TRIM37: variants seen among roughly 807,000 people sequenced by gnomAD.
TRIM37 encodes E3 ubiquitin-protein ligase TRIM37.
In TRIM37, 80 loss-of-function variants were observed where a neutral mutation model predicts 129.8. The observed-to-expected ratio is 0.62, with a 90% CI of 0.51 to 0.74. The LOEUF is 0.74. Among genes scored for constraint, TRIM37 ranks in the 30% least tolerant of loss-of-function variants. The probability of loss-of-function intolerance (pLI) is 0.00; values close to 1 mark genes in which losing one functional copy is unlikely to be tolerated. For missense variants in TRIM37, 1,054 were observed against 1,176.5 expected, an observed-to-expected ratio of 0.90 and a Z score of 1.52; for synonymous variants, 389 against 387.1, an observed-to-expected ratio of 1.00 and a Z score of -0.06.
intron 24 of TRIM37, among the ~76,000 whole-genome samples, chr17:58,991,556 C>CA: frequency 6.6e-6 from 1 of 152,058 alleles, no homozygotes; most frequent in Non-Finnish European, 1.5e-5. Flanking sequence ...ATAGAACACT[C>CA]ATTTTATGAG....
chr17:59,017,139 G>C (rs1668441202), intron 20 of TRIM37, among the ~76,000 whole-genome samples, 157 bp downstream of exon 20: 1 of 152,190 alleles, frequency 6.6e-6, no homozygotes, highest in Non-Finnish European at 1.5e-5. Context: ...ACTCCAGCCT[G>C]GGTGACAAAG....
intron 24 of TRIM37, among the ~76,000 whole-genome samples, chr17:58,985,525 C>G (rs751164112): frequency 6.6e-6 from 1 of 152,174 alleles, no homozygotes; most frequent in African/African-American, 2.4e-5. Flanking sequence ...AAGCTTTCCC[C>G]TTTCGCTTAG....
At chr17:58,972,902 G>C in the TRIM37 span, 1 of 1,612,978 alleles carries the variant, frequency 6.2e-7, no homozygotes, top group African/African-American at 1.3e-5. Flanking sequence ...GTGAATGGAA[G>C]TCTGTCGGTT....
intron 22 of TRIM37, among the ~76,000 whole-genome samples, chr17:59,003,922 TAAA>T (rs60843441): frequency 2.2e-5 from 2 of 89,578 alleles, no homozygotes; most frequent in East Asian, 3.4e-4. Context: ...CCCATCTCTA[TAAA>T]AAAAAAAAAA....
intron 7 of TRIM37, among the ~76,000 whole-genome samples, chr17:59,078,434 T>C (rs770789071): frequency 6.6e-6 from 1 of 152,192 alleles, no homozygotes; most frequent in African/African-American, 2.4e-5. Flanking sequence ...TGTGGTATTA[T>C]TTGACTTTTA....
chr17:59,016,597 G>A (rs1317859106), intron 20 of TRIM37, among the ~76,000 whole-genome samples: 1 of 70,366 alleles, frequency 1.4e-5, no homozygotes, highest in African/African-American at 6.2e-5. Flanking sequence ...ACCCTGTCTC[G>A]GCAAAAAAAA....
chr17:58,987,760 C>G (rs2031953427), intron 24 of TRIM37, among the ~76,000 whole-genome samples: 1 of 152,058 alleles, frequency 6.6e-6, no homozygotes. Flanking sequence ...AATCTTATCA[C>G]CTTTATAATT....
chr17:59,026,672 C>T (rs902631929), intron 19 of TRIM37, among the ~76,000 whole-genome samples: 2 of 152,198 alleles, frequency 1.3e-5, no homozygotes, highest in Non-Finnish European at 2.9e-5. Flanking sequence ...ATTGACCCCG[C>T]ACCTCCTCCA....
At chr17:58,980,148 G>C, downstream of TRIM37, 1 of 1,614,142 alleles carries the variant, frequency 6.2e-7, no homozygotes, top group Non-Finnish European at 8.5e-7. The surrounding 1 kb of genome is among the most constrained non-coding windows in gnomAD (Gnocchi z 4.7). Context: ...GGAGACAGCA[G>C]CATGGTTGCC....
In TRIM37 at chr17:59,012,465, T is replaced by A; in HGVS notation, c.2577-19A>T. ...ATTAGCCCTCAAAGAAGAAAACAAC[T>A]TGATATTTCTCTATAACTAGTGACA... On this transcript the variant is annotated intron_variant, in intron 21 of 23. Transcript: ENST00000262294. 6.7e-7 allele frequency: 1 copy of A among 1,482,516 alleles called. No individual in the cohort carries two copies. Among genetic ancestry groups the A allele is most frequent in the Non-Finnish European group, 9.4e-7 (1 of 1,067,730 alleles). 91.8% of individuals were successfully genotyped at this position (1,482,516 alleles called of 1,614,324 possible). A position where few individuals can be genotyped will look rare whatever the true frequency, so the allele number is the denominator to read the frequency against.
chr17:59,050,149 ACAATAGTAAGAGTT>A (rs1850066158), intron 14 of TRIM37, among the ~76,000 whole-genome samples: 1 of 152,208 alleles, frequency 6.6e-6, no homozygotes, highest in African/African-American at 2.4e-5. Context: ...TGCTCATTCA[ACAATAGTAAGAGTT>A]CAAGATGGGA....
chr17:58,992,322 A>AATAT lies in TRIM37; in HGVS notation c.2891+7055_2891+7058dup, dbSNP rs35222079. ...TTATATATATATAAATACATATGTAAATATATATATATATATATATAAATA... is the reference window on the plus strand; with the variant it reads ...TTATATATATATAAATACATATGTAAATATATATATATATATATATATATAAATA... On this transcript the variant is annotated intron_variant, in intron 24 of 24. Transcript: ENST00000393066. Among the ~76,000 whole-genome samples the AATAT allele has an allele frequency of 1.3e-3, 182 of 137,780 alleles. 1 individual carries two copies. The highest frequency in any genetic ancestry group is 4.4e-3 in the African/African-American group (162 of 37,012). 90.4% of individuals were successfully genotyped at this position (137,780 alleles called of 152,430 possible).
chr17:59,062,729 T>C, intron 10 of TRIM37, 81 bp from the exon 11 acceptor site: 1 of 1,118,686 alleles, frequency 8.9e-7, no homozygotes, highest in Non-Finnish European at 1.4e-6. Flanking sequence ...GACCAACCAG[T>C]TTCTTTGTTA....
At chr17:58,971,891 G>A in the TRIM37 span, among the ~76,000 whole-genome samples, 1 of 152,246 alleles carries the variant, frequency 6.6e-6, no homozygotes, top group East Asian at 1.9e-4. Flanking sequence ...TATTTAAAGT[G>A]GAATTAATAA....
At chr17:59,036,759 C>T (rs2038564572) in intron 17 of TRIM37, among the ~76,000 whole-genome samples, 1 of 152,050 alleles carries the variant, frequency 6.6e-6, no homozygotes, top group Non-Finnish European at 1.5e-5. Context: ...CTTTTTAACG[C>T]ATAACTTAAC....
intron 24 of TRIM37, among the ~76,000 whole-genome samples, chr17:58,992,287 T>A (rs12948077): frequency 8.1e-5 from 11 of 135,208 alleles, no homozygotes; most frequent in African/African-American, 1.1e-4. Context: ...ATATTTATAT[T>A]TATATATATT....
chr17:58,990,468 G>A (rs971242046), intron 24 of TRIM37, among the ~76,000 whole-genome samples: 2 of 151,550 alleles, frequency 1.3e-5, no homozygotes, highest in South Asian at 4.2e-4. Flanking sequence ...TCCAGCCCAG[G>A]TGACAGAGTG....
intron 24 of TRIM37, among the ~76,000 whole-genome samples, chr17:58,986,494 T>A (rs530424886): frequency 8.8e-4 from 131 of 149,014 alleles, no homozygotes; most frequent in Non-Finnish European, 1.5e-3. Context: ...GATTGCAAGT[T>A]TCCATCTGTC....
chr17:58,984,238 C>CATTT (rs1277990854), intron 24 of TRIM37: 1 of 152,604 alleles, frequency 6.6e-6, no homozygotes, highest in Non-Finnish European at 1.5e-5. Flanking sequence ...ATTTTGACCA[C>CATTT]ATTTATAGTG....
Sources: gnomAD v4.1 joint callset for allele counts (sites outside exome capture counted in the v4.1 genomes callset) on GRCh38, gnomAD v4.1.1 for gene constraint, Gnocchi (gnomAD v3.1) non-coding constraint, MANE v1.5 for transcripts, NCBI Gene and HGNC (gene_info 2026-07-23, HGNC 2026-07-21) for gene names.